The following PIPOX variants were observed in gnomAD, a reference collection of about 807,000 sequenced individuals.
PIPOX encodes pipecolic acid and sarcosine oxidase.
A neutral mutation model predicts 47.9 loss-of-function variants in PIPOX; 45 were observed. The ratio of observed to expected loss-of-function variants is 0.94; its 90% CI spans 0.74 to 1.20. The LOEUF (loss-of-function observed/expected upper bound fraction) is 1.20. Ranked by LOEUF, PIPOX falls within the 50% of genes most tolerant of loss-of-function variation. The pLI is 0.00. For synonymous variants in PIPOX, 165 were observed against 191.3 expected, an observed-to-expected ratio of 0.86 and a Z score of 1.13; for missense variants, 458 against 498.4, an observed-to-expected ratio of 0.92 and a Z score of 0.77.
chr17:29,051,408 C>A (rs928522086), intron 2 of PIPOX, among the ~76,000 whole-genome samples: 33 of 152,268 alleles, frequency 2.2e-4, no homozygotes, highest in Admixed American at 5.2e-4. Context: ...TCTCTTTAAT[C>A]CCCCCAACCA....
Position 29,044,948 on chromosome 17 carries a change from G to A in PIPOX, c.204G>A (p.Met68Ile). ...TGGAAGACTTTTACACCCGGATGATGCATGAGTGCTATCAGATATGGGCCC... is the reference window on the plus strand; with the variant it reads ...TGGAAGACTTTTACACCCGGATGATACATGAGTGCTATCAGATATGGGCCC... ...AYLEDFYTRM[M>I]HECYQIWAQL... Residue 68 changes from methionine to isoleucine, a missense_variant, in exon 2 of 8, where the codon ATG becomes ATA. By Grantham distance (10) the Met-to-Ile change is conservative. Transcript: ENST00000323372. The A allele has an allele frequency of 6.2e-7, 1 of 1,614,098 alleles. No individual in the cohort carries two copies.
At chr17:29,049,544 T>G (rs116895864) in intron 2 of PIPOX, among the ~76,000 whole-genome samples, 1 of 152,204 alleles carries the variant, frequency 6.6e-6, no homozygotes, top group African/African-American at 2.4e-5. Flanking sequence ...ATCTTCATAC[T>G]GGGAGGAAAA....
At position 29,044,995 on chromosome 17, in the gene PIPOX, C is replaced by T; in HGVS notation, c.251C>T (p.Thr84Ile). The T allele has an allele frequency of 6.2e-7, 1 of 1,605,468 alleles. No individual in the cohort carries two copies. Among genetic ancestry groups the T allele is most frequent in the Non-Finnish European group, 8.5e-7 (1 of 1,175,478 alleles). The part of the protein sequence containing the change: ...IWAQLEHEAG[T>I]QLHRQTGLLL... ...GCCCAGCTGGAGCACGAGGCTGGAA[C>T]CCAATTGCACAGGTGGGCTGTGGGA... Residue 84 changes from threonine (T) to isoleucine (I), a missense_variant, in exon 2 of 8, where the codon ACC becomes ATC. Transcript: ENST00000323372.
intron 6 of PIPOX, among the ~76,000 whole-genome samples, chr17:29,055,521 G>C (rs2065824266): frequency 6.6e-6 from 1 of 152,194 alleles, no homozygotes; most frequent in Non-Finnish European, 1.5e-5. Flanking sequence ...AGGCCTTAGG[G>C]ACAAAGAGAA....
In PIPOX at chr17:29,054,624, T is replaced by C. The variant is rs757249867; in HGVS notation, c.740T>C (p.Leu247Pro). Reference protein sequence around the residue: ...YGVSQAFPCFLWLGLCPHHIY... With the variant: ...YGVSQAFPCFPWLGLCPHHIY... ...GTGTCCCAGGCCTTTCCGTGCTTCC[T>C]GTGGCTGGGCTTGTGTCCCCACCAC... The change falls in exon 5 of 8, where the codon CTG (leucine) becomes CCG (proline). Residue 247 changes from leucine to proline, a missense_variant. By Grantham distance (98) the Leu-to-Pro change is moderately conservative. Coordinates refer to ENST00000323372, the MANE Select transcript of PIPOX (RefSeq NM_016518.3). The C allele has an allele frequency of 1.2e-5, 19 of 1,614,230 alleles. No homozygotes were observed. The East Asian group carries it at 4.0e-4, about 34-fold the overall frequency.
rs538533579 is a variant in PIPOX at position 29,050,270 on chromosome 17, T to C, written c.264-2650T>C. Among the ~76,000 whole-genome samples the C allele has an allele frequency of 2.6e-5, 4 of 152,328 alleles. No individual in the cohort carries two copies. The East Asian group carries it at 7.7e-4, about 29-fold the overall frequency. On this transcript the variant is annotated intron_variant, in intron 2 of 7. Coordinates refer to ENST00000323372, the MANE Select transcript of PIPOX (RefSeq NM_016518.3). ...TGCTCTGGAATTTCCAGGTCAGGGATTTCACATTACATCTGCTTAGGTGTG... is the reference window on the plus strand; with the variant it reads ...TGCTCTGGAATTTCCAGGTCAGGGACTTCACATTACATCTGCTTAGGTGTG...
intron 2 of PIPOX, among the ~76,000 whole-genome samples, chr17:29,051,548 A>G (rs2065806364): frequency 1.3e-5 from 2 of 152,214 alleles, no homozygotes; most frequent in South Asian, 4.1e-4. Flanking sequence ...ATGGAGAAGG[A>G]CCACGGGAAC....
At chr17:29,051,834 C>T in intron 2 of PIPOX, 1 of 425,328 alleles carries the variant, frequency 2.4e-6, no homozygotes, top group South Asian at 1.8e-5. Context: ...GTGTAGCATC[C>T]CGGGCCCCTG....
chr17:29,051,274 G>A (rs1472644546), intron 2 of PIPOX, among the ~76,000 whole-genome samples: 3 of 152,220 alleles, frequency 2.0e-5, no homozygotes, highest in African/African-American at 7.2e-5. Context: ...AGCTCTCGTT[G>A]CTATCTCGCT....
chr17:29,056,164 T>G lies in PIPOX; in HGVS notation c.1043-11T>G. On this transcript the variant is annotated splice_polypyrimidine_tract_variant and intron_variant, in intron 7 of 7. Coordinates refer to ENST00000323372, the MANE Select transcript of PIPOX (RefSeq NM_016518.3). ...GTGAAGCTGCCTGAGAGTCTGCTCT[T>G]CCCTTCCTAGGGCACGGGTTCAAGC... is the stretch of plus-strand genomic sequence containing the variant. 4 of 1,613,986 alleles carry G rather than the reference T, an allele frequency of 2.5e-6. No individual in the cohort carries two copies. The highest frequency in any genetic ancestry group is 3.4e-6 in the Non-Finnish European group (4 of 1,179,934).
At chr17:29,048,437 G>T (rs2065793369) in intron 2 of PIPOX, among the ~76,000 whole-genome samples, 1 of 152,240 alleles carries the variant, frequency 6.6e-6, no homozygotes, top group Admixed American at 6.5e-5. Flanking sequence ...TACTAAACAT[G>T]GGTGGGTTTG....
Position 29,054,697 on chromosome 17 carries a change from C to G in PIPOX, c.807+6C>G. On this transcript the variant is annotated splice_donor_region_variant and intron_variant, in intron 5 of 7. Coordinates refer to ENST00000323372, the MANE Select transcript of PIPOX (RefSeq NM_016518.3). Reference sequence around the variant, plus strand: ...AGTACCCAGGGCTGATGAAGGTGAGCGGAAAGACCGAGATAAGGCAGGTAG... The same window carrying G: ...AGTACCCAGGGCTGATGAAGGTGAGGGGAAAGACCGAGATAAGGCAGGTAG... The G allele has an allele frequency of 6.2e-7, 1 of 1,612,590 alleles. No individual in the cohort carries two copies. The highest frequency in any genetic ancestry group is 8.5e-7 in the Non-Finnish European group (1 of 1,178,844).
Position 29,055,820 on chromosome 17 carries a change from CT to C in PIPOX, c.975del (p.Asp326MetfsTer39), listed in dbSNP as rs752183664. The C allele has an allele frequency of 3.1e-6, 5 of 1,613,606 alleles. No individual in the cohort carries two copies. Among genetic ancestry groups the C allele is most frequent in the South Asian group, 2.2e-5 (2 of 91,058 alleles). On this transcript the variant is annotated frameshift_variant, in exon 7 of 8. Coordinates refer to ENST00000323372, the MANE Select transcript of PIPOX (RefSeq NM_016518.3). LOFTEE classifies it high-confidence loss of function. ...VIESCMYTNT[P>X]DEQFILDRHP... ...GTGACTGTTTCTTTCTAGAATACCC[CT>C]GATGAGCAGTTCATTCTCGATCGCC...
At chr17:29,054,368 G>A (rs2065818493) in intron 4 of PIPOX, among the ~76,000 whole-genome samples, 177 bp from the exon 5 acceptor site, 1 of 152,158 alleles carries the variant, frequency 6.6e-6, no homozygotes, top group Non-Finnish European at 1.5e-5. Context: ...AGATGTTTGT[G>A]CATCATAACA....
chr17:29,053,261 C>T lies in PIPOX; in HGVS notation c.477+128C>T, dbSNP rs1598239333. The T allele has an allele frequency of 3.2e-5, 39 of 1,205,544 alleles. No individual in the cohort carries two copies. The South Asian group carries it at 5.1e-4, about 16-fold the overall frequency. 74.7% of individuals were successfully genotyped at this position (1,205,544 alleles called of 1,614,324 possible). ...CTGCAGGCTTTAGTCTTGACTTTTC[C>T]AGCAGGGCAGTGAAATATATGCGGC... is the stretch of plus-strand genomic sequence containing the variant. On this transcript the variant is annotated intron_variant, in intron 3 of 7. Transcript: ENST00000323372.
chr17:29,052,818 C>T, intron 2 of PIPOX, 102 bp from the exon 3 acceptor site: 7 of 962,338 alleles, frequency 7.3e-6, no homozygotes, highest in Non-Finnish European at 1.1e-5. Context: ...AGTCATCCTC[C>T]TGCCTCAGCC....
At chr17:29,046,190 A>C (rs1040329573) in intron 2 of PIPOX, among the ~76,000 whole-genome samples, 1 of 152,244 alleles carries the variant, frequency 6.6e-6, no homozygotes, top group African/African-American at 2.4e-5. Context: ...TAATGCACCC[A>C]GCACCCAAAT....
At chr17:29,055,396 G>A (rs370861720) in intron 6 of PIPOX, among the ~76,000 whole-genome samples, 175 bp downstream of exon 6, 2 of 152,146 alleles carry the variant, frequency 1.3e-5, no homozygotes, top group Admixed American at 1.3e-4. Flanking sequence ...GGTCCTGTTC[G>A]AAATTATTCC....
At chr17:29,047,301 A>T (rs1015834151) in intron 2 of PIPOX, among the ~76,000 whole-genome samples, 3 of 152,162 alleles carry the variant, frequency 2.0e-5, no homozygotes, top group African/African-American at 7.2e-5. Context: ...TCTCAAAGAA[A>T]AAAAAAGAAA....
Sources: gnomAD v4.1 joint callset for allele counts (sites outside exome capture counted in the v4.1 genomes callset) on GRCh38, gnomAD v4.1.1 for gene constraint, MANE v1.5 for transcripts, NCBI Gene and HGNC (gene_info 2026-07-23, HGNC 2026-07-21) for gene names.